IL4R: variants seen among roughly 807,000 people sequenced by gnomAD.
The protein encoded by IL4R is interleukin-4 receptor subunit alpha.
Under a neutral mutation model 41.5 loss-of-function variants are expected in IL4R, and 17 were observed. The observed-to-expected ratio is 0.41, with a 90% CI of 0.28 to 0.61. IL4R has a LOEUF of 0.61. Among genes scored for constraint, IL4R ranks in the 20% least tolerant of loss-of-function variants. The pLI is 0.31. For missense variants in IL4R, 974 were observed against 1,043.1 expected, an observed-to-expected ratio of 0.93 and a Z score of 0.91; for synonymous variants, 402 against 422.9, an observed-to-expected ratio of 0.95 and a Z score of 0.61.
At chr16:27,339,234 T>C (rs2085359108) in intron 2 of IL4R, among the ~76,000 whole-genome samples, 1 of 152,116 alleles carries the variant, frequency 6.6e-6, no homozygotes, top group Non-Finnish European at 1.5e-5. Context: ...CTCAAACCCC[T>C]GGACTCCAAG....
intron 10 of IL4R, among the ~76,000 whole-genome samples, chr16:27,361,504 C>G (rs1183120577): frequency 6.6e-6 from 1 of 152,008 alleles, no homozygotes; most frequent in African/African-American, 2.4e-5. Context: ...TGTGTTGCCC[C>G]GCCACTGTGG....
chr16:27,326,131 C>T (rs1186725294), intron 1 of IL4R, among the ~76,000 whole-genome samples: 1 of 152,128 alleles, frequency 6.6e-6, no homozygotes, highest in Non-Finnish European at 1.5e-5. Context: ...GTAGCCTCCT[C>T]ACTGCTACCC....
intron 2 of IL4R, among the ~76,000 whole-genome samples, chr16:27,333,889 T>C (rs1191476181): frequency 1.6e-5 from 1 of 62,454 alleles, no homozygotes; most frequent in African/African-American, 8.0e-5. Flanking sequence ...CAGGAATCTC[T>C]TTTTTTTTTT....
chr16:27,332,030 T>C lies in IL4R; in HGVS notation c.-19+1832T>C, dbSNP rs2158366. Among the ~76,000 whole-genome samples the C allele has an allele frequency of 3.3e-5, 5 of 151,878 alleles. No homozygotes were observed. In the South Asian group the frequency reaches 1.0e-3, roughly 32 times the overall value. ...TCTTTCTCTGTTGCCCAGGCTGGAG[T>C]TCAGTGGCATGAACACAGCCCACTG... On this transcript the variant is annotated intron_variant, in intron 2 of 10. Coordinates refer to ENST00000395762, the MANE Select transcript of IL4R (RefSeq NM_000418.4).
intron 8 of IL4R, among the ~76,000 whole-genome samples, 187 bp downstream of exon 8, chr16:27,356,094 T>TC: frequency 7.1e-6 from 1 of 141,008 alleles, no homozygotes; most frequent in East Asian, 2.0e-4. Flanking sequence ...CTTTTTTTTT[T>TC]TTTTTTTTTT....
intron 1 of IL4R, among the ~76,000 whole-genome samples, chr16:27,315,724 G>A (rs1002592442): frequency 2.0e-5 from 3 of 152,214 alleles, no homozygotes; most frequent in Non-Finnish European, 4.4e-5. Context: ...CTGCATTGTG[G>A]AAAGCCTTGA....
Position 27,362,542 on chromosome 16 carries a change from A to C in IL4R, c.1190A>C (p.Glu397Ala). ...GAGAGCAGCAGGGATGACTTCCAGG[A>C]GGGAAGGGAGGGCATTGTGGCCCGG... is the stretch of plus-strand genomic sequence containing the variant. ...SPESSRDDFQ[E>A]GREGIVARLT... The change falls in exon 11 of 11, where the codon GAG becomes GCG. Residue 397 changes from glutamate (E) to alanine (A), a missense_variant. Transcript: ENST00000395762. 6.2e-7 allele frequency: 1 copy of C among 1,614,132 alleles called. No homozygotes were observed. Among genetic ancestry groups the C allele is most frequent in the Non-Finnish European group, 8.5e-7 (1 of 1,180,018 alleles).
At chr16:27,359,754 C>T (rs1170948484) in intron 9 of IL4R, 1 of 452,400 alleles carries the variant, frequency 2.2e-6, no homozygotes, top group East Asian at 7.0e-5. Flanking sequence ...TTTATTGAGA[C>T]AATACATATA....
Position 27,344,986 on chromosome 16 carries a change from G to T in IL4R, c.327G>T (p.Leu109=). 6.2e-7 allele frequency: 1 copy of T among 1,613,912 alleles called. No individual in the cohort carries two copies. Among genetic ancestry groups the T allele is most frequent in the South Asian group, 1.1e-5 (1 of 91,078 alleles). The part of the protein sequence containing the change: ...YTLDLWAGQQ[L]LWKGSFKPSE... ...TGGACCTGTGGGCTGGGCAGCAGCT[G>T]CTGTGGAAGGGCTCCTTCAAGCCCA... Residue 109 remains leucine (L), a synonymous_variant, in exon 5 of 11, where the codon CTG becomes CTT. Transcript: ENST00000395762.
chr16:27,355,625 G>A, intron 7 of IL4R, 183 bp from the exon 8 acceptor site: 1 of 546,746 alleles, frequency 1.8e-6, no homozygotes. Flanking sequence ...GAGGTGGCCG[G>A]TGTGACGAGG....
chr16:27,354,482 T>A (rs2085988433), intron 7 of IL4R, among the ~76,000 whole-genome samples: 1 of 152,186 alleles, frequency 6.6e-6, no homozygotes, highest in Non-Finnish European at 1.5e-5. Context: ...TCCCCTTACA[T>A]CTCATTGGCC....
rs55893752 is a variant in IL4R at position 27,330,041 on chromosome 16, CTTAAA to C, written c.-151-19_-151-15del. The C allele has an allele frequency of 5.3e-5, 8 of 151,990 alleles. No homozygotes were observed. The highest frequency in any genetic ancestry group is 8.8e-5 in the Non-Finnish European group (6 of 67,974). 9.4% of individuals were successfully genotyped at this position (151,990 alleles called of 1,614,324 possible). A position where few individuals can be genotyped will look rare whatever the true frequency, so the allele number is the denominator to read the frequency against. On this transcript the variant is annotated intron_variant, in intron 1 of 10. Transcript: ENST00000395762. The stretch of plus-strand genomic sequence containing the variant: ...GGGAATTGGCTCTTTTCTTCATTTT[CTTAAA>C]TTAAACTTTTTATTTTCAGATAATT...
At chr16:27,349,562 G>A (rs1349030495) in intron 6 of IL4R, among the ~76,000 whole-genome samples, 1 of 152,176 alleles carries the variant, frequency 6.6e-6, no homozygotes, top group African/African-American at 2.4e-5. Flanking sequence ...AAAATTCATG[G>A]AATGTTTGAG....
At chr16:27,338,929 C>A (rs1296178664) in intron 2 of IL4R, among the ~76,000 whole-genome samples, 1 of 152,094 alleles carries the variant, frequency 6.6e-6, no homozygotes, top group Non-Finnish European at 1.5e-5. Context: ...TCTCGACTCA[C>A]TGCAACCTCT....
intron 1 of IL4R, among the ~76,000 whole-genome samples, chr16:27,324,921 C>T (rs2084915439): frequency 6.6e-6 from 1 of 152,184 alleles, no homozygotes; most frequent in Non-Finnish European, 1.5e-5. Context: ...CCCCGCTCTC[C>T]CCAGCCTGCT....
At chr16:27,334,243 C>T (rs371558313) in intron 2 of IL4R, 2 of 152,242 alleles carry the variant, frequency 1.3e-5, no homozygotes, top group African/African-American at 4.8e-5. Context: ...TACTTGAACG[C>T]GATAACCTGG....
chr16:27,320,202 A>G (rs1037822198), intron 1 of IL4R, among the ~76,000 whole-genome samples: 2 of 152,142 alleles, frequency 1.3e-5, no homozygotes, highest in African/African-American at 4.8e-5. Context: ...CTAATGCCTG[A>G]TGATCTGTCA....
chr16:27,316,341 G>A (rs1301064453), intron 1 of IL4R, among the ~76,000 whole-genome samples: 1 of 152,198 alleles, frequency 6.6e-6, no homozygotes, highest in Non-Finnish European at 1.5e-5. Flanking sequence ...CTGCACTGTA[G>A]CCTGGGTGAC....
At chr16:27,316,798 T>C (rs1050102966) in intron 1 of IL4R, among the ~76,000 whole-genome samples, 4 of 152,226 alleles carry the variant, frequency 2.6e-5, no homozygotes, top group African/African-American at 9.6e-5. Flanking sequence ...ATTTATGAGA[T>C]TATAGTGACT....
Sources: gnomAD v4.1 joint callset for allele counts (sites outside exome capture counted in the v4.1 genomes callset) on GRCh38, gnomAD v4.1.1 for gene constraint, MANE v1.5 for transcripts, NCBI Gene and HGNC (gene_info 2026-07-23, HGNC 2026-07-21) for gene names.